B4GALT6: variants seen among roughly 807,000 people sequenced by gnomAD.
The protein encoded by B4GALT6 is UDP-Gal:beta-GlcNAc beta-1,4-galactosyltransferase 6.
Under a neutral mutation model 46.3 loss-of-function variants are expected in B4GALT6, and 14 were observed. That is an observed-to-expected ratio of 0.30 (90% CI 0.20 to 0.47). B4GALT6 has a LOEUF of 0.47. Ranked by LOEUF, B4GALT6 falls within the 20% of genes least tolerant of loss-of-function variation. B4GALT6 has a pLI of 0.99. For missense variants in B4GALT6, 386 were observed against 480.1 expected (o/e 0.80, Z 1.83); for synonymous variants, 168 against 162.0 (o/e 1.04, Z -0.28).
chr18:31,670,119 C>A (rs1420788087), intron 1 of B4GALT6, among the ~76,000 whole-genome samples: 2 of 151,578 alleles, frequency 1.3e-5, no homozygotes, highest in Non-Finnish European at 2.9e-5. Context: ...GGTAGCTCCA[C>A]CTTGGCTCTC....
At chr18:31,626,180 A>C (rs1477049929) in intron 8 of B4GALT6, 103 bp downstream of exon 8, 2 of 612,580 alleles carry the variant, frequency 3.3e-6, no homozygotes, top group Non-Finnish European at 5.4e-6. Context: ...CATTATGAAA[A>C]TTCCCTTCAG....
intron 2 of B4GALT6, among the ~76,000 whole-genome samples, chr18:31,663,482 G>A (rs1260483114): frequency 1.3e-5 from 2 of 152,300 alleles, no homozygotes; most frequent in South Asian, 2.1e-4. Flanking sequence ...GATTATGAGA[G>A]TATATAATTT....
At chr18:31,653,849 G>A (rs2074106447) in intron 3 of B4GALT6, among the ~76,000 whole-genome samples, 1 of 152,024 alleles carries the variant, frequency 6.6e-6, no homozygotes, top group African/African-American at 2.4e-5. Context: ...CTGCTTCTAT[G>A]AACAACACAG....
At chr18:31,666,437 ATATTC>A in intron 1 of B4GALT6, 65 bp from the exon 2 acceptor site, 1 of 696,108 alleles carries the variant, frequency 1.4e-6, no homozygotes, top group Non-Finnish European at 2.3e-6. Context: ...TAATAAAATA[ATATTC>A]AGAATTGGGG....
At chr18:31,702,360 G>A in the B4GALT6 span, among the ~76,000 whole-genome samples, 1 of 152,246 alleles carries the variant, frequency 6.6e-6, no homozygotes, top group East Asian at 1.9e-4. Context: ...GTTATACATA[G>A]GGTGACTGGA....
rs1170155367 is a variant in B4GALT6, at chr18:31,631,062, T to C, written c.673A>G (p.Ile225Val). 6.2e-7 allele frequency: 1 copy of C among 1,614,078 alleles called. No individual in the cohort carries two copies. The highest frequency in any genetic ancestry group is 1.1e-5 in the South Asian group (1 of 91,088). ...AMKDSVWDCV[I>V]FHDVDHLPEN... ...GGTAGATGATCCACATCGTGGAAGA[T>C]TACACAGTCCCAGACACTGTCTTTC... Residue 225 changes from isoleucine to valine, a missense_variant, in exon 6 of 9, where the codon ATC becomes GTC. By Grantham distance (29) the Ile-to-Val change is conservative. This residue lies in a region of B4GALT6 where 323 missense variants were observed against 438.9 expected (regional missense o/e 0.74). Coordinates refer to ENST00000306851, the MANE Select transcript of B4GALT6 (RefSeq NM_004775.5).
upstream of B4GALT6, chr18:31,684,794 C>T: frequency 9.6e-7 from 1 of 1,038,312 alleles, no homozygotes; most frequent in Non-Finnish European, 1.2e-6. Flanking sequence ...GGAGGAGGCG[C>T]AGGCTGCGCG....
At chr18:31,683,835 A>G (rs1298633184) in intron 1 of B4GALT6, among the ~76,000 whole-genome samples, 1 of 152,116 alleles carries the variant, frequency 6.6e-6, no homozygotes, top group African/African-American at 2.4e-5. Flanking sequence ...ACCCCATTCT[A>G]AAAAAGCGAC....
At chr18:31,693,380 TA>T in the B4GALT6 span, among the ~76,000 whole-genome samples, 3 of 152,216 alleles carry the variant, frequency 2.0e-5, no homozygotes, top group Non-Finnish European at 2.9e-5. Context: ...CAGAATGTCA[TA>T]GATGAATATG....
At chr18:31,708,777 G>C in the B4GALT6 span, among the ~76,000 whole-genome samples, 1 of 152,142 alleles carries the variant, frequency 6.6e-6, no homozygotes, top group East Asian at 1.9e-4. Context: ...AGATTAGATA[G>C]ATCTGGGGAG....
chr18:31,633,995 A>T (rs1046765474), intron 5 of B4GALT6, among the ~76,000 whole-genome samples: 5 of 152,220 alleles, frequency 3.3e-5, no homozygotes, highest in African/African-American at 1.2e-4. Context: ...ATAAAGTGAC[A>T]GGCTGGCCTT....
chr18:31,688,533 A>G (rs2030008166), upstream of B4GALT6, among the ~76,000 whole-genome samples: 1 of 152,218 alleles, frequency 6.6e-6, no homozygotes, highest in African/African-American at 2.4e-5. Flanking sequence ...TTAAAAGAAA[A>G]CCACTGTAGT....
At chr18:31,653,618 G>A (rs1352317518) in intron 3 of B4GALT6, among the ~76,000 whole-genome samples, 1 of 151,346 alleles carries the variant, frequency 6.6e-6, no homozygotes, top group Non-Finnish European at 1.5e-5. Context: ...ATTTTTGTGT[G>A]TGTGTTTTTG....
At chr18:31,711,759 ATCT>A in the B4GALT6 span, among the ~76,000 whole-genome samples, 1 of 152,288 alleles carries the variant, frequency 6.6e-6, no homozygotes, top group African/African-American at 2.4e-5. Context: ...AATTTTCCCC[ATCT>A]TCTTTCACTA....
intron 2 of B4GALT6, among the ~76,000 whole-genome samples, chr18:31,660,555 T>C (rs1202056106): frequency 2.0e-5 from 3 of 147,064 alleles, no homozygotes; most frequent in African/African-American, 7.5e-5. Context: ...ACAGTAACAG[T>C]AAGAAAAGAA....
At chr18:31,636,964 G>T (rs1388489452) in intron 5 of B4GALT6, among the ~76,000 whole-genome samples, 1 of 152,190 alleles carries the variant, frequency 6.6e-6, no homozygotes, top group Non-Finnish European at 1.5e-5. Context: ...GGGATTACAG[G>T]TGCCTGCCAC....
rs561220118 is a variant in B4GALT6, at chr18:31,643,382, T to C, written c.471+1973A>G. 2.6e-3 allele frequency among the ~76,000 whole-genome samples: 397 copies of C among 152,276 alleles called. 4 individuals carry two copies. Among genetic ancestry groups the C allele is most frequent in the Non-Finnish European group, 5.0e-3 (337 of 68,022 alleles). The stretch of plus-strand genomic sequence containing the variant: ...GGTGCGATCTCGGCTCACTGCAGCT[T>C]CCACATCCCAGGTTCAAGCAAATCT... On this transcript the variant is annotated intron_variant, in intron 4 of 8. Coordinates refer to ENST00000306851, the MANE Select transcript of B4GALT6 (RefSeq NM_004775.5).
chr18:31,721,917 T>TG, the B4GALT6 span, among the ~76,000 whole-genome samples: 3 of 152,148 alleles, frequency 2.0e-5, no homozygotes, highest in Non-Finnish European at 4.4e-5. Context: ...TGTGTGTATG[T>TG]GGGTTCTGTT....
chr18:31,721,608 A>T, the B4GALT6 span, among the ~76,000 whole-genome samples: 3 of 152,222 alleles, frequency 2.0e-5, no homozygotes, highest in Non-Finnish European at 4.4e-5. Flanking sequence ...GCTACCCTTG[A>T]TAATGTCGAT....
Sources: gnomAD v4.1 joint callset for allele counts (sites outside exome capture counted in the v4.1 genomes callset) on GRCh38, gnomAD v4.1.1 for gene constraint, gnomAD v4.1.1 regional missense constraint, MANE v1.5 for transcripts, NCBI Gene and HGNC (gene_info 2026-07-23, HGNC 2026-07-21) for gene names.